The following FARP2 variants were observed in gnomAD, a reference collection of about 807,000 sequenced individuals.
The protein encoded by FARP2 is FERM, ARH/RhoGEF and pleckstrin domain protein 2, also known as FERM, ARHGEF and pleckstrin domain-containing protein 2.
Under a neutral mutation model 130.5 loss-of-function variants are expected in FARP2, and 111 were observed. That is an observed-to-expected ratio of 0.85 (90% CI 0.73 to 1.00). The LOEUF is 1.00. FARP2 is among the 50% of genes least tolerant of loss of function. The pLI, the probability that FARP2 is intolerant of heterozygous loss-of-function variation, is 0.00. For synonymous variants in FARP2, 504 were observed against 516.9 expected (o/e 0.98, Z 0.34); for missense variants, 1,385 against 1,346.3 (o/e 1.03, Z -0.45).
intron 19 of FARP2, among the ~76,000 whole-genome samples, chr2:241,479,734 GT>G (rs35853787): frequency 0.18 from 26,665 of 152,226 alleles, 2,568 homozygotes; most frequent in Middle Eastern, 0.26. Flanking sequence ...TGAGGTAGCA[GT>G]GTTGCCTTGT....
At chr2:241,397,300 A>T (rs971259140) in intron 2 of FARP2, among the ~76,000 whole-genome samples, 2 of 152,170 alleles carry the variant, frequency 1.3e-5, no homozygotes, top group African/African-American at 4.8e-5. Context: ...TAACCTGCAC[A>T]TTGTGCACAT....
intron 1 of FARP2, among the ~76,000 whole-genome samples, chr2:241,366,144 C>CGTATATATATATATGTGTATATATAT (rs2061316022): frequency 1.1e-4 from 1 of 9,456 alleles, no homozygotes; most frequent in Non-Finnish European, 2.4e-4. Flanking sequence ...TATATACACA[C>CGTATATATATATATGTGTATATATAT]ACACATATAT....
In FARP2 at chr2:241,459,974, G is replaced by A. The variant is rs914312466; in HGVS notation, c.1588-2549G>A. Among the ~76,000 whole-genome samples, 1 of 152,202 alleles carries A rather than the reference G, an allele frequency of 6.6e-6. No homozygotes were observed. The highest frequency in any genetic ancestry group is 6.5e-5 in the Admixed American group (1 of 15,284). ...TGGCGTATGTGTCTCTATGTGCCTC[G>A]CCCCTGGAGGAGTGGAGCTGCTCCG... On this transcript the variant is annotated intron_variant, in intron 14 of 26. Transcript: ENST00000264042. This position sits in a 1 kb window ranked among gnomAD's most constrained non-coding sequence, Gnocchi z 5.3.
At chr2:241,493,058 C>T (rs781636293) in intron 25 of FARP2, 22 bp downstream of exon 25, 74 of 1,356,462 alleles carry the variant, frequency 5.5e-5, no homozygotes, top group Admixed American at 8.4e-5. Flanking sequence ...TCACTGGAGC[C>T]CAATGCAGGT....
intron 1 of FARP2, among the ~76,000 whole-genome samples, chr2:241,360,426 G>A (rs185829930): frequency 2.8e-4 from 42 of 152,188 alleles, no homozygotes; most frequent in African/African-American, 9.6e-4. Flanking sequence ...GGATCACGAG[G>A]TCAAGAGATG....
rs748258418 is a variant in FARP2, at chr2:241,411,035, A to T, written c.413A>T (p.Tyr138Phe). 5.6e-6 allele frequency: 9 copies of T among 1,601,150 alleles called. No individual in the cohort carries two copies. In the African/African-American group the frequency reaches 1.2e-4, roughly 21 times the overall value. Residue 138 changes from tyrosine to phenylalanine, a missense_variant and splice_region_variant, in exon 6 of 27, where the codon TAC becomes TTC. Physicochemically the swap from Tyr to Phe is conservative, Grantham distance 22. Transcript: ENST00000264042. ...PGQLQEEYTR[Y>F]LFALQLKRDL... is the part of the protein sequence containing the mutation. ...TCTTATTTTGAACTCTCTTCTAGAT[A>T]CTTGTTTGCCTTGCAACTTAAGAGA...
At chr2:241,455,685 G>A (rs2063813034) in intron 13 of FARP2, among the ~76,000 whole-genome samples, 1 of 150,644 alleles carries the variant, frequency 6.6e-6, no homozygotes, top group South Asian at 2.1e-4. Context: ...CCTGGCCTTT[G>A]GTGATTTTTA....
chr2:241,453,556 A>G (rs910667615), intron 13 of FARP2, among the ~76,000 whole-genome samples: 23 of 151,454 alleles, frequency 1.5e-4, no homozygotes, highest in Non-Finnish European at 5.9e-5. Context: ...TGGGAGGCGG[A>G]GCTTGCAGTG....
At chr2:241,417,351 C>T (rs2062700133) in intron 7 of FARP2, among the ~76,000 whole-genome samples, 1 of 151,696 alleles carries the variant, frequency 6.6e-6, no homozygotes, top group African/African-American at 2.4e-5. Context: ...TATCCCGTCA[C>T]ACTCATTTTC....
Position 241,482,116 on chromosome 2 carries a change from G to A in FARP2, c.2263-1349G>A, listed in dbSNP as rs1273236606. Among the ~76,000 whole-genome samples, 1 of 152,220 alleles carries A rather than the reference G, an allele frequency of 6.6e-6. No individual in the cohort carries two copies. The highest frequency in any genetic ancestry group is 1.5e-5 in the Non-Finnish European group (1 of 68,046). On this transcript the variant is annotated intron_variant, in intron 19 of 26. Coordinates refer to ENST00000264042, the MANE Select transcript of FARP2 (RefSeq NM_014808.4). The surrounding 1 kb of genome is among the most constrained non-coding windows in gnomAD (Gnocchi z 4.6). The stretch of plus-strand genomic sequence containing the variant: ...TGTAATAGCAAGGATTGTTAACCAG[G>A]TATAAAGTTGATGAGGTGCCAAAGG...
chr2:241,373,141 C>A lies in FARP2; in HGVS notation c.34C>A (p.Gln12Lys), dbSNP rs1037526128. 2 of 1,504,482 alleles carry A rather than the reference C, an allele frequency of 1.3e-6. No individual in the cohort carries two copies. The highest frequency in any genetic ancestry group is 1.8e-6 in the Non-Finnish European group (2 of 1,115,100). 93.2% of individuals were successfully genotyped at this position (1,504,482 alleles called of 1,614,324 possible). A position where few individuals can be genotyped will look rare whatever the true frequency, so the allele number is the denominator to read the frequency against. The change falls in exon 2 of 27, where the codon CAG becomes AAG. Residue 12 changes from glutamine to lysine, a missense_variant. By Grantham distance (53) the Gln-to-Lys change is moderately conservative. Transcript: ENST00000264042. Reference protein sequence around the residue: ...GEIEGTYRVLQTAGMRLGAQT... With the variant: ...GEIEGTYRVLKTAGMRLGAQT... ...GATAGAAGGAACATACAGAGTCCTG[C>A]AGACTGCAGGGATGCGCTTGGGTGC...
chr2:241,380,254 T>TCGCA (rs1470170140), intron 2 of FARP2, among the ~76,000 whole-genome samples: 6 of 152,328 alleles, frequency 3.9e-5, no homozygotes, highest in Admixed American at 2.0e-4. Flanking sequence ...TCACCTGGAC[T>TCGCA]CGCACACCAT....
intron 3 of FARP2, 140 bp downstream of exon 3, chr2:241,404,072 G>A (rs916182510): frequency 6.7e-6 from 4 of 596,858 alleles, no homozygotes; most frequent in Non-Finnish European, 1.2e-5. Flanking sequence ...TAGAGAATAT[G>A]TCTGCCTTTA....
chr2:241,367,032 CAG>C (rs1016307762), intron 1 of FARP2, among the ~76,000 whole-genome samples: 4 of 152,084 alleles, frequency 2.6e-5, no homozygotes, highest in Non-Finnish European at 4.4e-5. Context: ...CTTCCATCAG[CAG>C]AGTTCTTGAG....
chr2:241,453,471 A>C (rs1487714315), intron 13 of FARP2, among the ~76,000 whole-genome samples: 1 of 151,044 alleles, frequency 6.6e-6, no homozygotes, highest in East Asian at 2.0e-4. Flanking sequence ...AAATACAAAA[A>C]ATTAGCCAGG....
chr2:241,415,950 G>T (rs2062652469), intron 7 of FARP2, among the ~76,000 whole-genome samples: 1 of 151,856 alleles, frequency 6.6e-6, no homozygotes, highest in South Asian at 2.1e-4. Context: ...CGAGAAGCCT[G>T]CCTGTGGAAG....
chr2:241,438,638 T>G (rs147264793), intron 12 of FARP2, among the ~76,000 whole-genome samples: 13,452 of 150,636 alleles, frequency 0.089, 621 homozygotes, highest in Middle Eastern at 0.15. Context: ...TTTTTTGTTT[T>G]TTTTTTTTTG....
chr2:241,380,834 C>G (rs1167982182), intron 2 of FARP2, among the ~76,000 whole-genome samples: 1 of 152,072 alleles, frequency 6.6e-6, no homozygotes, highest in South Asian at 2.1e-4. Flanking sequence ...GGCCCAACTC[C>G]CTGCAAAGAG....
chr2:241,491,535 T>C lies in FARP2; in HGVS notation c.2643T>C (p.Ser881=), dbSNP rs1467392213. Residue 881 remains serine (S), a synonymous_variant, in exon 24 of 27, where the codon TCT becomes TCC. Transcript: ENST00000264042. ...TRPPRSPNEV[S]LEQESEDDAR... ...CCCCAGGATCCCCCAACGAGGTATC[T>C]CTGGAGCAGGAGTCAGAAGATGATG... 1 of 1,613,534 alleles carries C rather than the reference T, an allele frequency of 6.2e-7. No homozygotes were observed.
Sources: gnomAD v4.1 joint callset for allele counts (sites outside exome capture counted in the v4.1 genomes callset) on GRCh38, gnomAD v4.1.1 for gene constraint, Gnocchi (gnomAD v3.1) non-coding constraint, MANE v1.5 for transcripts, NCBI Gene and HGNC (gene_info 2026-07-23, HGNC 2026-07-21) for gene names.